PRKCB: variants seen among roughly 807,000 people sequenced by gnomAD.
The protein encoded by PRKCB is protein kinase C beta type.
A neutral mutation model predicts 81.5 loss-of-function variants in PRKCB; 13 were observed. The observed-to-expected ratio is 0.16, with a 90% CI of 0.10 to 0.25. The LOEUF is 0.25. Among genes scored for constraint, PRKCB ranks in the 10% least tolerant of loss-of-function variants. PRKCB has a pLI of 1.00. For missense variants in PRKCB, 509 were observed against 875.7 expected, an observed-to-expected ratio of 0.58 and a Z score of 5.29; for synonymous variants, 335 against 321.4, an observed-to-expected ratio of 1.04 and a Z score of -0.45.
chr16:23,942,498 A>T (rs936116574), intron 2 of PRKCB, among the ~76,000 whole-genome samples: 1 of 152,208 alleles, frequency 6.6e-6, no homozygotes, highest in Non-Finnish European at 1.5e-5. Flanking sequence ...TGATGAGGGC[A>T]TTGAGAAGCA....
At chr16:24,108,318 TTTA>T (rs1031825876) in intron 7 of PRKCB, among the ~76,000 whole-genome samples, 15 of 148,582 alleles carry the variant, frequency 1.0e-4, no homozygotes, top group Admixed American at 7.3e-4. Context: ...TGATTGACTT[TTTA>T]TTTTTTATTT....
At position 24,219,407 on chromosome 16, in the gene PRKCB, G is replaced by A. The variant is rs935826921; in HGVS notation, c.*4591G>A. ...AATTCTAGACTGTGGGTGGATTTTC[G>A]AGCTGACGGTGGTCAATTCCTTTCA... On this transcript the variant is annotated 3_prime_UTR_variant, in exon 17 of 17. Transcript: ENST00000643927. 7.1e-6 allele frequency: 7 copies of A among 985,526 alleles called. No homozygotes were observed. Among genetic ancestry groups the A allele is most frequent in the Non-Finnish European group, 8.4e-6 (7 of 830,218 alleles). The allele number at this position is 985,526 out of a possible 1,614,324, so 61.0% of individuals were successfully genotyped here.
At chr16:24,158,388 T>C (rs986518463) in intron 10 of PRKCB, among the ~76,000 whole-genome samples, 16 of 152,220 alleles carry the variant, frequency 1.1e-4, no homozygotes, top group African/African-American at 3.1e-4. Context: ...AGATAGGTTC[T>C]GTCATCATTC....
chr16:23,980,431 GC>G (rs992307360), intron 2 of PRKCB, among the ~76,000 whole-genome samples: 3 of 152,234 alleles, frequency 2.0e-5, no homozygotes, highest in African/African-American at 7.2e-5. Context: ...CAACTTAAAT[GC>G]CCTTTTCCAC....
chr16:24,129,018 T>C (rs545985795), intron 9 of PRKCB, among the ~76,000 whole-genome samples: 1 of 152,354 alleles, frequency 6.6e-6, no homozygotes, highest in African/African-American at 2.4e-5. Context: ...CAGCAAATAC[T>C]TGATCAAGTA....
intron 2 of PRKCB, among the ~76,000 whole-genome samples, chr16:23,852,042 A>G (rs1031392578): frequency 3.9e-5 from 6 of 152,210 alleles, no homozygotes; most frequent in African/African-American, 1.4e-4. Flanking sequence ...TTTTCTGTAT[A>G]TAAAATCACC....
chr16:24,000,792 A>G (rs1462481167), intron 3 of PRKCB, among the ~76,000 whole-genome samples: 1 of 152,168 alleles, frequency 6.6e-6, no homozygotes, highest in Non-Finnish European at 1.5e-5. Context: ...TTCCATTTCC[A>G]TTACTTCACA....
At position 24,191,442 on chromosome 16, in the gene PRKCB, G is replaced by A. The variant is rs889934209; in HGVS notation, c.1863+212G>A. 4.0e-5 allele frequency: 19 copies of A among 472,306 alleles called. No homozygotes were observed. In the South Asian group the frequency reaches 5.7e-4, roughly 14 times the overall value. The allele number at this position is 472,306 out of a possible 1,614,324, so 29.3% of individuals were successfully genotyped here. A position where few individuals can be genotyped will look rare whatever the true frequency, so the allele number is the denominator to read the frequency against. On this transcript the variant is annotated intron_variant, in intron 16 of 16. Transcript: ENST00000643927. The stretch of plus-strand genomic sequence containing the variant: ...TAGTCTCTATAAAGATGGAAACGAC[G>A]ATGCCTATTGAATTTTTGTTTCTTC...
At chr16:23,897,554 G>A (rs926879533) in intron 2 of PRKCB, among the ~76,000 whole-genome samples, 18 of 152,156 alleles carry the variant, frequency 1.2e-4, no homozygotes, top group African/African-American at 4.3e-4. Context: ...CTGTTGGTGG[G>A]TTCTCTTAGG....
intron 2 of PRKCB, among the ~76,000 whole-genome samples, chr16:23,859,155 A>G (rs1478686708): frequency 6.6e-6 from 1 of 152,148 alleles, no homozygotes; most frequent in Non-Finnish European, 1.5e-5. Flanking sequence ...CCCAGGAGAC[A>G]TTAATTAACT....
At chr16:24,113,350 C>T (rs1014387462) in intron 8 of PRKCB, among the ~76,000 whole-genome samples, 3 of 151,352 alleles carry the variant, frequency 2.0e-5, no homozygotes, top group Admixed American at 2.0e-4. Context: ...TTCTTTACCC[C>T]CCTTTTCTTT....
chr16:24,122,468 T>TTTTTC (rs1555498212), intron 8 of PRKCB, among the ~76,000 whole-genome samples: 2 of 138,992 alleles, frequency 1.4e-5, no homozygotes, highest in African/African-American at 6.6e-5. Context: ...TTTTTTTTTT[T>TTTTTC]AGTGAGAGAG....
intron 5 of PRKCB, among the ~76,000 whole-genome samples, chr16:24,041,985 G>GAAA (rs111410896): frequency 7.7e-5 from 8 of 104,456 alleles, no homozygotes; most frequent in African/African-American, 2.5e-4. Context: ...CTCCATCTTG[G>GAAA]AAAAAAAAAA....
chr16:24,185,051 C>G, intron 13 of PRKCB, 60 bp from the exon 14 acceptor site: 2 of 1,371,826 alleles, frequency 1.5e-6, no homozygotes, highest in Non-Finnish European at 2.1e-6. Flanking sequence ...AGAGTGAAAT[C>G]TGTCTCCAGA....
At chr16:23,991,048 G>T (rs1381201229) in intron 3 of PRKCB, among the ~76,000 whole-genome samples, 3 of 152,130 alleles carry the variant, frequency 2.0e-5, no homozygotes, top group African/African-American at 7.2e-5. Flanking sequence ...TACTGGTTCT[G>T]TTACCCACTT....
At position 24,218,780 on chromosome 16, in the gene PRKCB, G is replaced by T. The variant is rs1393638238; in HGVS notation, c.*3964G>T. The stretch of plus-strand genomic sequence containing the variant: ...TTTATAATCTGAGGCAACTTTGGCT[G>T]CAGCCCGGGAATGTGCAGGGCACTA... On this transcript the variant is annotated 3_prime_UTR_variant, in exon 17 of 17. Transcript: ENST00000643927. 3.0e-6 allele frequency: 3 copies of T among 985,418 alleles called. No individual in the cohort carries two copies. In the East Asian group the frequency reaches 3.4e-4, roughly 112 times the overall value. The allele number at this position is 985,418 out of a possible 1,614,324, so 61.0% of individuals were successfully genotyped here. A position where few individuals can be genotyped will look rare whatever the true frequency, so the allele number is the denominator to read the frequency against.
chr16:23,902,271 A>G (rs1963485842), intron 2 of PRKCB, among the ~76,000 whole-genome samples: 1 of 152,204 alleles, frequency 6.6e-6, no homozygotes, highest in African/African-American at 2.4e-5. Flanking sequence ...CTGCCTTTAG[A>G]AAAAATAACC....
chr16:24,029,778 T>C (rs1965528297), intron 3 of PRKCB, among the ~76,000 whole-genome samples: 1 of 152,186 alleles, frequency 6.6e-6, no homozygotes, highest in Non-Finnish European at 1.5e-5. Context: ...CATCAATAAA[T>C]ACATGTGAAT....
In PRKCB at chr16:24,217,597, G is replaced by A. The variant is rs1478074205; in HGVS notation, c.*2781G>A. The A allele has an allele frequency of 2.0e-6, 2 of 985,356 alleles. No homozygotes were observed. Among genetic ancestry groups the A allele is most frequent in the East Asian group, 2.3e-4 (2 of 8,830 alleles). 61.0% of individuals were successfully genotyped at this position (985,356 alleles called of 1,614,324 possible). ...TCTGGGGATCTGCCCACAGGACAAAGTCCATAAAAGCAAGTCCTGTCTGGA... is the reference window on the plus strand; with the variant it reads ...TCTGGGGATCTGCCCACAGGACAAAATCCATAAAAGCAAGTCCTGTCTGGA... On this transcript the variant is annotated 3_prime_UTR_variant, in exon 17 of 17. Coordinates refer to ENST00000643927, the MANE Select transcript of PRKCB (RefSeq NM_002738.7).
Sources: allele counts gnomAD v4.1 joint callset (sites outside exome capture counted in the v4.1 genomes callset), GRCh38; gene constraint gnomAD v4.1.1; transcripts MANE v1.5; gene names NCBI Gene and HGNC (gene_info 2026-07-23, HGNC 2026-07-21).